PPARGC1A: variants seen among roughly 807,000 people sequenced by gnomAD.
PPARGC1A encodes the protein peroxisome proliferator-activated receptor gamma coactivator 1-alpha.
PPARGC1A carries 25 observed loss-of-function variants against 88.7 expected under a neutral mutation model. That is an observed-to-expected ratio of 0.28 (90% confidence interval 0.21 to 0.39). The LOEUF (loss-of-function observed/expected upper bound fraction) is 0.39, where lower values mean the gene tolerates loss of function less well. Ranked by LOEUF, PPARGC1A falls within the 10% of genes least tolerant of loss-of-function variation. PPARGC1A has a pLI of 1.00. For synonymous variants in PPARGC1A, 363 were observed against 355.6 expected, an observed-to-expected ratio of 1.02 and a Z score of -0.24; for missense variants, 880 against 968.7, an observed-to-expected ratio of 0.91 and a Z score of 1.22.
chr4:24,313,330 G>T, the PPARGC1A span, among the ~76,000 whole-genome samples: 1 of 152,162 alleles, frequency 6.6e-6, no homozygotes, highest in Non-Finnish European at 1.5e-5. Context: ...CTCAGATTGA[G>T]ACATCAAAAG....
At chr4:24,142,173 C>A in the PPARGC1A span, among the ~76,000 whole-genome samples, 4 of 152,164 alleles carry the variant, frequency 2.6e-5, no homozygotes, top group Non-Finnish European at 4.4e-5. Flanking sequence ...TTGACACCAG[C>A]CTCCATAGAG....
the PPARGC1A span, among the ~76,000 whole-genome samples, chr4:24,174,428 G>A: frequency 2.0e-5 from 3 of 152,174 alleles, no homozygotes; most frequent in Admixed American, 2.0e-4. Flanking sequence ...AGCATCCCAG[G>A]TGATTTATAG....
the PPARGC1A span, among the ~76,000 whole-genome samples, chr4:24,018,918 A>G: frequency 6.6e-6 from 1 of 152,236 alleles, no homozygotes; most frequent in Non-Finnish European, 1.5e-5. Flanking sequence ...AAGTAATTAA[A>G]ACATTGAAAA....
the PPARGC1A span, among the ~76,000 whole-genome samples, chr4:24,437,607 TTG>T: frequency 7.0e-6 from 1 of 142,220 alleles, no homozygotes; most frequent in South Asian, 2.1e-4. Context: ...GTTGTTGTTG[TTG>T]TTGTTGTTGT....
At chr4:24,426,165 G>C in the PPARGC1A span, among the ~76,000 whole-genome samples, 6 of 152,106 alleles carry the variant, frequency 3.9e-5, no homozygotes, top group African/African-American at 1.4e-4. Flanking sequence ...AAGGTAGAGA[G>C]GTAAAGCCCT....
intron 2 of PPARGC1A, among the ~76,000 whole-genome samples, chr4:23,865,077 C>T (rs954003570): frequency 3.9e-5 from 6 of 151,974 alleles, no homozygotes; most frequent in East Asian, 1.9e-4. Flanking sequence ...CCCAGCTACT[C>T]GGGAGGCTGA....
At chr4:24,453,356 T>A in the PPARGC1A span, among the ~76,000 whole-genome samples, 2 of 152,234 alleles carry the variant, frequency 1.3e-5, no homozygotes, top group African/African-American at 4.8e-5. Context: ...CAGCAATGGC[T>A]GAAGATAAGA....
At chr4:24,354,682 C>G in the PPARGC1A span, among the ~76,000 whole-genome samples, 1 of 152,006 alleles carries the variant, frequency 6.6e-6, no homozygotes, top group African/African-American at 2.4e-5. Flanking sequence ...GTCAGGAGAT[C>G]AAGACCATAC....
the PPARGC1A span, among the ~76,000 whole-genome samples, chr4:24,387,853 AGAGAAAGAGAGAAAGG>A: frequency 2.2e-4 from 30 of 137,804 alleles, 1 homozygote; most frequent in Non-Finnish European, 3.7e-4. Context: ...AGAGAGAAAG[AGAGAAAGAGAGAAAGG>A]AAGAAAGAGA....
chr4:24,376,099 C>T, the PPARGC1A span, among the ~76,000 whole-genome samples: 2 of 151,944 alleles, frequency 1.3e-5, no homozygotes, highest in African/African-American at 2.4e-5. Flanking sequence ...ACCTAACAGC[C>T]CATACATTTT....
chr4:23,841,857 G>A (rs1333746500), intron 2 of PPARGC1A, among the ~76,000 whole-genome samples: 4 of 151,870 alleles, frequency 2.6e-5, no homozygotes, highest in Non-Finnish European at 5.9e-5. Flanking sequence ...GTAAATAGCA[G>A]CTGATCTTTA....
chr4:24,108,063 T>A, the PPARGC1A span, among the ~76,000 whole-genome samples: 2 of 152,212 alleles, frequency 1.3e-5, no homozygotes, highest in African/African-American at 4.8e-5. Flanking sequence ...ATTGACTGTT[T>A]ACAAGGAGAA....
At chr4:24,308,313 A>G in the PPARGC1A span, among the ~76,000 whole-genome samples, 175 of 136,346 alleles carry the variant, frequency 1.3e-3, 1 homozygote, top group Non-Finnish European at 2.0e-3. Flanking sequence ...AAAAAAAAAA[A>G]AGAGAAAAGA....
chr4:23,997,075 T>A, the PPARGC1A span, among the ~76,000 whole-genome samples: 1 of 152,204 alleles, frequency 6.6e-6, no homozygotes, highest in Non-Finnish European at 1.5e-5. Flanking sequence ...TGTGCCATAT[T>A]TGCCATCTTC....
chr4:23,801,362 A>G (rs1315157478), intron 12 of PPARGC1A, among the ~76,000 whole-genome samples: 1 of 149,132 alleles, frequency 6.7e-6, no homozygotes, highest in Non-Finnish European at 1.5e-5. Flanking sequence ...ACACACACAG[A>G]CACACACAAT....
At chr4:23,968,040 A>T in the PPARGC1A span, among the ~76,000 whole-genome samples, 1 of 152,286 alleles carries the variant, frequency 6.6e-6, no homozygotes, top group Non-Finnish European at 1.5e-5. Flanking sequence ...ACTTGGCACT[A>T]GCATCCCCAT....
chr4:24,161,961 T>TATAC, the PPARGC1A span, among the ~76,000 whole-genome samples: 1 of 133,862 alleles, frequency 7.5e-6, no homozygotes, highest in African/African-American at 2.9e-5. Flanking sequence ...AATTGTGATA[T>TATAC]ACACACACAC....
chr4:24,261,034 A>G, the PPARGC1A span, among the ~76,000 whole-genome samples: 1 of 152,100 alleles, frequency 6.6e-6, no homozygotes, highest in Admixed American at 6.5e-5. Flanking sequence ...TCCTATTCCA[A>G]CCAGCTCTAT....
chr4:24,378,475 C>T, the PPARGC1A span, among the ~76,000 whole-genome samples: 4 of 150,906 alleles, frequency 2.7e-5, no homozygotes, highest in Non-Finnish European at 5.9e-5. Flanking sequence ...CTTCAATAAC[C>T]ATGGTTAAAA....
Sources: allele counts gnomAD v4.1 joint callset (sites outside exome capture counted in the v4.1 genomes callset), GRCh38; gene constraint gnomAD v4.1.1; transcripts MANE v1.5; gene names NCBI Gene and HGNC (gene_info 2026-07-23, HGNC 2026-07-21).